Variants in FFAR4 observed in about 807,000 individuals in gnomAD.
FFAR4 encodes G-protein coupled receptor 120.
A neutral mutation model predicts 27.0 loss-of-function variants in FFAR4; 19 were observed. The ratio of observed to expected loss-of-function variants is 0.70; its 90% CI spans 0.49 to 1.03. FFAR4 has a LOEUF of 1.03. Among genes scored for constraint, FFAR4 ranks in the 50% least tolerant of loss-of-function variants. The pLI, the probability that FFAR4 is intolerant of heterozygous loss-of-function variation, is 0.00. For missense variants in FFAR4, 476 were observed against 479.0 expected, an observed-to-expected ratio of 0.99 and a Z score of 0.06; for synonymous variants, 254 against 215.6, an observed-to-expected ratio of 1.18 and a Z score of -1.56.
At chr10:93,571,769 T>A (rs1195146617) in intron 1 of FFAR4, among the ~76,000 whole-genome samples, 1 of 152,204 alleles carries the variant, frequency 6.6e-6, no homozygotes, top group Non-Finnish European at 1.5e-5. Context: ...TGATAGAAGA[T>A]GAAATATCCA....
chr10:93,570,022 G>A (rs1227980041), intron 1 of FFAR4, among the ~76,000 whole-genome samples: 1 of 151,254 alleles, frequency 6.6e-6, no homozygotes, highest in Non-Finnish European at 1.5e-5. Context: ...TGATACCACT[G>A]CACTCCAGCC....
intron 2 of FFAR4, among the ~76,000 whole-genome samples, chr10:93,579,784 A>G (rs1007765627): frequency 6.6e-6 from 1 of 152,232 alleles, no homozygotes; most frequent in African/African-American, 2.4e-5. Context: ...GACAGTGGGA[A>G]AATCACTGGA....
At chr10:93,578,992 C>T (rs1455203002) in intron 2 of FFAR4, among the ~76,000 whole-genome samples, 3 of 152,138 alleles carry the variant, frequency 2.0e-5, no homozygotes, top group Non-Finnish European at 4.4e-5. Flanking sequence ...GAATGATTTT[C>T]CACCCACCCC....
chr10:93,584,393 TG>T (rs2058215758), intron 2 of FFAR4, among the ~76,000 whole-genome samples: 2 of 152,336 alleles, frequency 1.3e-5, no homozygotes, highest in East Asian at 3.9e-4. Context: ...GTATTATCAG[TG>T]GAGTGACCTT....
At chr10:93,570,343 A>T (rs1308197179) in intron 1 of FFAR4, among the ~76,000 whole-genome samples, 2 of 151,782 alleles carry the variant, frequency 1.3e-5, no homozygotes, top group Non-Finnish European at 2.9e-5. Context: ...AAAGAATGAG[A>T]GACAGAAAAA....
chr10:93,581,458 G>T (rs1329729258), intron 2 of FFAR4, among the ~76,000 whole-genome samples: 1 of 152,114 alleles, frequency 6.6e-6, no homozygotes, highest in Non-Finnish European at 1.5e-5. Context: ...CAACCTTCAG[G>T]GTTGAGTCCC....
intron 1 of FFAR4, among the ~76,000 whole-genome samples, chr10:93,573,891 T>G (rs2058146671): frequency 6.6e-6 from 1 of 152,234 alleles, no homozygotes; most frequent in Admixed American, 6.5e-5. Context: ...TCATGTTTGA[T>G]CATCATTTCA....
At position 93,587,757 on chromosome 10, in the gene FFAR4, G is replaced by A. The variant is rs1237040561; in HGVS notation, c.*148G>A. On this transcript the variant is annotated 3_prime_UTR_variant, in exon 3 of 3. Transcript: ENST00000371481. Reference sequence around the variant, plus strand: ...ATCCACAGCGTCGGTAAATTAAGGGGTGATCACCAAGTTTCATAATATTTT... The same window carrying A: ...ATCCACAGCGTCGGTAAATTAAGGGATGATCACCAAGTTTCATAATATTTT... 1.3e-6 allele frequency: 1 copy of A among 752,884 alleles called. No individual in the cohort carries two copies. Among genetic ancestry groups the A allele is most frequent in the African/African-American group, 1.7e-5 (1 of 57,254 alleles). 46.6% of individuals were successfully genotyped at this position (752,884 alleles called of 1,614,324 possible).
intron 2 of FFAR4, among the ~76,000 whole-genome samples, chr10:93,580,824 T>C (rs1449703710): frequency 6.6e-6 from 1 of 152,192 alleles, no homozygotes; most frequent in Non-Finnish European, 1.5e-5. Context: ...GCCTTATTCA[T>C]CCTTCTGCCC....
chr10:93,568,659 G>A (rs1312440371), intron 1 of FFAR4, among the ~76,000 whole-genome samples: 1 of 152,160 alleles, frequency 6.6e-6, no homozygotes, highest in Non-Finnish European at 1.5e-5. Flanking sequence ...GAGCTTCTCT[G>A]GGGGTTTTCC....
chr10:93,586,277 C>T (rs1261767409), intron 2 of FFAR4, among the ~76,000 whole-genome samples: 1 of 152,150 alleles, frequency 6.6e-6, no homozygotes, highest in South Asian at 2.1e-4. Flanking sequence ...TCTCCCCCTT[C>T]GCTTGGTTCT....
At position 93,587,573 on chromosome 10, in the gene FFAR4, T is replaced by C. The variant is rs777146495; in HGVS notation, c.1050T>C (p.Ser350=). The change falls in exon 3 of 3, where the codon TCT becomes TCC. Residue 350 remains serine, a synonymous_variant. Transcript: ENST00000371481. ...PEKGAILTDT[S]VKRNDLSIIS... is the part of the protein sequence containing the mutation. The stretch of plus-strand genomic sequence containing the variant: ...AGGGAGCCATTTTAACAGACACATC[T>C]GTCAAAAGAAATGACTTGTCGATTA... 6.2e-7 allele frequency: 1 copy of C among 1,613,720 alleles called. No individual in the cohort carries two copies. Among genetic ancestry groups the C allele is most frequent in the South Asian group, 1.1e-5 (1 of 91,032 alleles).
At chr10:93,568,342 C>G (rs1218769499) in intron 1 of FFAR4, among the ~76,000 whole-genome samples, 2 of 152,150 alleles carry the variant, frequency 1.3e-5, no homozygotes, top group Non-Finnish European at 1.5e-5. Context: ...GGCTCAGCCT[C>G]CAGGAGCTTC....
rs1190583180 is a variant in FFAR4 at position 93,567,196 on chromosome 10, T to C, written c.476T>C (p.Leu159Pro). 1 of 1,603,180 alleles carries C rather than the reference T, an allele frequency of 6.2e-7. No individual in the cohort carries two copies. Among genetic ancestry groups the C allele is most frequent in the Admixed American group, 1.7e-5 (1 of 59,892 alleles). The change falls in exon 1 of 3, where the codon CTG becomes CCG. Residue 159 changes from leucine (L) to proline (P), a missense_variant. Coordinates refer to ENST00000371481, the MANE Select transcript of FFAR4 (RefSeq NM_001195755.2). ...GPGRRARAVL[L>P]ALIWGYSAVA... ...GGGCGGCGGGCGCGGGCAGTGCTGC[T>C]GGCGCTCATCTGGGGCTATTCGGCG...
At chr10:93,579,078 C>A in intron 2 of FFAR4, 1 of 1,289,048 alleles carries the variant, frequency 7.8e-7, no homozygotes. Flanking sequence ...TCCTTTTAGC[C>A]ACCCACCTCT....
intron 2 of FFAR4, among the ~76,000 whole-genome samples, chr10:93,582,544 CAA>C (rs56934747): frequency 0.035 from 3,468 of 99,204 alleles, 131 homozygotes; most frequent in African/African-American, 0.099. Context: ...AACTCCATCT[CAA>C]AAAAAAAAAA....
chr10:93,581,931 C>A (rs1258812496), intron 2 of FFAR4, among the ~76,000 whole-genome samples: 1 of 152,156 alleles, frequency 6.6e-6, no homozygotes, highest in Non-Finnish European at 1.5e-5. Flanking sequence ...GAGGCTCAAG[C>A]AAATCACTTC....
At chr10:93,578,498 T>A (rs1224164867) in intron 2 of FFAR4, among the ~76,000 whole-genome samples, 1 of 151,200 alleles carries the variant, frequency 6.6e-6, no homozygotes, top group African/African-American at 2.4e-5. Flanking sequence ...GTTATTTTAA[T>A]AATCTGGGTT....
intron 2 of FFAR4, among the ~76,000 whole-genome samples, chr10:93,586,814 G>T (rs187123261): frequency 1.3e-5 from 2 of 152,264 alleles, no homozygotes; most frequent in East Asian, 3.9e-4. Flanking sequence ...CACCTCCCAG[G>T]GTGGAAATAG....
Sources: allele counts gnomAD v4.1 joint callset (sites outside exome capture counted in the v4.1 genomes callset), GRCh38; gene constraint gnomAD v4.1.1; transcripts MANE v1.5; gene names NCBI Gene and HGNC (gene_info 2026-07-23, HGNC 2026-07-21).